OR2L13: variants seen among roughly 807,000 people sequenced by gnomAD.
OR2L13 encodes the protein olfactory receptor 2L13.
OR2L13 carries 14 observed loss-of-function variants against 15.3 expected under a neutral mutation model. That is an observed-to-expected ratio of 0.91 (90% CI 0.60 to 1.43). The LOEUF (loss-of-function observed/expected upper bound fraction) is 1.43, where lower values mean the gene tolerates loss of function less well. Ranked by LOEUF, OR2L13 falls within the 40% of genes most tolerant of loss-of-function variation. OR2L13 has a pLI of 0.00. For synonymous variants in OR2L13, 152 were observed against 142.9 expected (o/e 1.06, Z -0.45); for missense variants, 367 against 387.9 (o/e 0.95, Z 0.45).
the OR2L13 span, among the ~76,000 whole-genome samples, chr1:247,974,041 A>G: frequency 1.1e-4 from 17 of 152,248 alleles, no homozygotes; most frequent in African/African-American, 2.9e-4. Flanking sequence ...ATGCCCATCA[A>G]TGATAGACTG....
At chr1:247,990,205 G>A in the OR2L13 span, 1 of 634,602 alleles carries the variant, frequency 1.6e-6, no homozygotes, top group African/African-American at 1.8e-5. Context: ...GCAGATAAGG[G>A]GGAACTACTG....
the OR2L13 span, among the ~76,000 whole-genome samples, chr1:247,965,076 T>C: frequency 4.0e-5 from 6 of 151,282 alleles, no homozygotes; most frequent in East Asian, 1.2e-3. Context: ...TATATGTATA[T>C]GTACATATAC....
chr1:247,993,762 GGAGAGAGAGAGAGAGA>G, the OR2L13 span, among the ~76,000 whole-genome samples: 16 of 53,668 alleles, frequency 3.0e-4, no homozygotes, highest in African/African-American at 1.0e-3. Context: ...AGAGAGAGGG[GGAGAGAGAGAGAGAGA>G]GAGAGAGAGA....
At chr1:247,992,910 G>A in the OR2L13 span, among the ~76,000 whole-genome samples, 1 of 152,056 alleles carries the variant, frequency 6.6e-6, no homozygotes, top group Non-Finnish European at 1.5e-5. Context: ...GAATTTCTAG[G>A]TCAAATGGTA....
the OR2L13 span, chr1:248,023,144 TAAA>T: frequency 0.037 from 10,891 of 297,618 alleles, 366 homozygotes; most frequent in Middle Eastern, 0.061. Context: ...TTATCATGTA[TAAA>T]TCAAAACAAT....
chr1:248,053,076 A>G, the OR2L13 span, among the ~76,000 whole-genome samples: 1 of 152,018 alleles, frequency 6.6e-6, no homozygotes, highest in Non-Finnish European at 1.5e-5. Flanking sequence ...CCCAGCATGC[A>G]CTAGCTCTTT....
At chr1:248,027,550 C>T in the OR2L13 span, among the ~76,000 whole-genome samples, 8 of 152,120 alleles carry the variant, frequency 5.3e-5, no homozygotes, top group East Asian at 1.9e-4. Context: ...ATGTCTCCCC[C>T]GGACACCCAG....
chr1:247,973,141 C>T, the OR2L13 span, among the ~76,000 whole-genome samples: 1 of 152,052 alleles, frequency 6.6e-6, no homozygotes, highest in Admixed American at 6.6e-5. Context: ...TTAATAAAAG[C>T]TATTTATGAC....
At chr1:247,963,560 G>C in the OR2L13 span, among the ~76,000 whole-genome samples, 4 of 151,982 alleles carry the variant, frequency 2.6e-5, no homozygotes, top group African/African-American at 9.7e-5. Flanking sequence ...TACATGCTTG[G>C]GTTGAAACTC....
At chr1:248,009,688 C>A in the OR2L13 span, among the ~76,000 whole-genome samples, 1 of 152,092 alleles carries the variant, frequency 6.6e-6, no homozygotes, top group Non-Finnish European at 1.5e-5. Flanking sequence ...CTCCCCAACA[C>A]CAAAACCTGT....
the OR2L13 span, among the ~76,000 whole-genome samples, chr1:247,944,772 C>T: frequency 1.3e-5 from 2 of 152,028 alleles, no homozygotes; most frequent in African/African-American, 2.4e-5. Context: ...TGGACATACA[C>T]GTGCATGTAC....
At chr1:247,958,477 G>A in the OR2L13 span, among the ~76,000 whole-genome samples, 251 of 152,278 alleles carry the variant, frequency 1.6e-3, 1 homozygote, top group Middle Eastern at 0.017. Flanking sequence ...GCAGAGCTGA[G>A]TTCAATTGCT....
chr1:248,074,764 A>AG, the OR2L13 span, among the ~76,000 whole-genome samples: 53 of 152,176 alleles, frequency 3.5e-4, no homozygotes, highest in Non-Finnish European at 5.0e-4. Context: ...TGTACCCCAA[A>AG]GCTCAGCATT....
At chr1:248,061,784 T>C in the OR2L13 span, 1 of 531,530 alleles carries the variant, frequency 1.9e-6, no homozygotes, top group Non-Finnish European at 3.1e-6. Flanking sequence ...TATATATGTA[T>C]ATATAACTCC....
At chr1:247,966,004 C>G in the OR2L13 span, 1 of 1,612,792 alleles carries the variant, frequency 6.2e-7, no homozygotes, top group Non-Finnish European at 8.5e-7. Context: ...CTTGCTACTA[C>G]CATTCCTAGC....
the OR2L13 span, among the ~76,000 whole-genome samples, chr1:247,995,047 T>C: frequency 0.034 from 5,115 of 152,278 alleles, 242 homozygotes; most frequent in African/African-American, 0.12. Context: ...TCTCTTCATG[T>C]TAAATTGAAT....
the OR2L13 span, among the ~76,000 whole-genome samples, chr1:247,963,764 C>CA: frequency 2.0e-5 from 3 of 152,070 alleles, no homozygotes; most frequent in Non-Finnish European, 4.4e-5. Context: ...CTCTCTAGTA[C>CA]AAAAAGGGTT....
the OR2L13 span, among the ~76,000 whole-genome samples, chr1:247,971,736 C>T: frequency 6.6e-6 from 1 of 152,148 alleles, no homozygotes. Flanking sequence ...CAAGGATATT[C>T]AGGACTGGAA....
the OR2L13 span, among the ~76,000 whole-genome samples, chr1:247,978,021 C>T: frequency 6.6e-6 from 1 of 152,062 alleles, no homozygotes; most frequent in Non-Finnish European, 1.5e-5. Flanking sequence ...TTCTTCAGAG[C>T]GATGAAGCCA....
Sources: gnomAD v4.1 joint callset for allele counts (sites outside exome capture counted in the v4.1 genomes callset) on GRCh38, gnomAD v4.1.1 for gene constraint, MANE v1.5 for transcripts, NCBI Gene and HGNC (gene_info 2026-07-23, HGNC 2026-07-21) for gene names.